The following KIAA1549L variants were observed in gnomAD, a reference collection of about 807,000 sequenced individuals.
KIAA1549L encodes the protein UPF0606 protein KIAA1549L.
A neutral mutation model predicts 160.7 loss-of-function variants in KIAA1549L; 88 were observed. That is an observed-to-expected ratio of 0.55 (90% CI 0.46 to 0.65). The LOEUF is 0.65. Ranked by LOEUF, KIAA1549L falls within the 30% of genes least tolerant of loss-of-function variation. The pLI, the probability that KIAA1549L is intolerant of heterozygous loss-of-function variation, is 0.00. For missense variants in KIAA1549L, 2,258 were observed against 2,437.5 expected, an observed-to-expected ratio of 0.93 and a Z score of 1.55; for synonymous variants, 950 against 976.7, an observed-to-expected ratio of 0.97 and a Z score of 0.51.
intron 1 of KIAA1549L, among the ~76,000 whole-genome samples, chr11:33,402,177 G>A (rs993887393): frequency 2.0e-5 from 3 of 152,166 alleles, no homozygotes; most frequent in Admixed American, 2.0e-4. Flanking sequence ...CTCACACTCA[G>A]CTGTCTCCCA....
chr11:33,425,723 T>G (rs1295457797), intron 1 of KIAA1549L, among the ~76,000 whole-genome samples: 1 of 152,200 alleles, frequency 6.6e-6, no homozygotes, highest in Non-Finnish European at 1.5e-5. Context: ...GCATCACACG[T>G]CATATGGATG....
At chr11:33,457,725 G>A (rs536930819) in intron 1 of KIAA1549L, among the ~76,000 whole-genome samples, 10 of 152,344 alleles carry the variant, frequency 6.6e-5, no homozygotes, top group Non-Finnish European at 1.2e-4. Context: ...AATGGTCAGG[G>A]AAGACTTCCT....
chr11:33,397,939 T>G (rs913442912), intron 1 of KIAA1549L, among the ~76,000 whole-genome samples: 1 of 148,862 alleles, frequency 6.7e-6, no homozygotes, highest in African/African-American at 2.5e-5. Context: ...TTTTTTTCTT[T>G]TTTTGAGATA....
chr11:33,568,020 C>T, intron 8 of KIAA1549L, 56 bp from the exon 9 acceptor site: 1 of 1,508,514 alleles, frequency 6.6e-7, no homozygotes, highest in Non-Finnish European at 8.9e-7. Flanking sequence ...CTTGTGCTTA[C>T]TGAATCAGCA....
intron 11 of KIAA1549L, among the ~76,000 whole-genome samples, chr11:33,590,224 A>G (rs976618452): frequency 1.3e-5 from 2 of 152,226 alleles, no homozygotes; most frequent in Non-Finnish European, 2.9e-5. Flanking sequence ...TAACATAATA[A>G]CAATGGCCAT....
chr11:33,583,424 A>G lies in KIAA1549L; in HGVS notation c.4489A>G (p.Ile1497Val). The G allele has an allele frequency of 6.3e-7, 1 of 1,596,756 alleles. No homozygotes were observed. Among genetic ancestry groups the G allele is most frequent in the Non-Finnish European group, 8.5e-7 (1 of 1,171,770 alleles). Residue 1497 changes from isoleucine (I) to valine (V), a missense_variant, in exon 11 of 21, where the codon ATC (isoleucine) becomes GTC (valine). Transcript: ENST00000658780. ...CGTGGTCACGGTCATCATCATCATC[A>G]TCACTGCCGTGCTCTGCAGGAAGAA... ...IAVVTVIIII[I>V]TAVLCRKNKN...
rs1850281666 is a variant in KIAA1549L, at chr11:33,598,924, A to G, written c.4856A>G (p.Lys1619Arg). Residue 1619 changes from lysine to arginine, a missense_variant, in exon 13 of 21, where the codon AAG (lysine) becomes AGG (arginine). Lys to Arg is a conservative substitution (Grantham distance 26). This residue lies in a region of KIAA1549L where 1,359 missense variants were observed against 1,546.6 expected (regional missense o/e 0.88). Transcript: ENST00000658780. ...GTAATGGCACAGCAGAAAGTGACAA[A>G]GGAGGAGGCAAGGAAGAGAAATGGT... Reference protein sequence around the residue: ...QNVMAQQKVTKEEARKRNVPA... With the variant: ...QNVMAQQKVTREEARKRNVPA... 1 of 1,613,548 alleles carries G rather than the reference A, an allele frequency of 6.2e-7. No homozygotes were observed.
At chr11:33,436,035 TA>T (rs1416793299) in intron 1 of KIAA1549L, among the ~76,000 whole-genome samples, 1 of 149,254 alleles carries the variant, frequency 6.7e-6, no homozygotes, top group Non-Finnish European at 1.5e-5. Context: ...ATTTACATAG[TA>T]TTATATTGTA....
chr11:33,559,638 T>G, intron 6 of KIAA1549L, 111 bp from the exon 7 acceptor site: 1 of 807,716 alleles, frequency 1.2e-6, no homozygotes, highest in Non-Finnish European at 2.0e-6. Flanking sequence ...CTGACCCCCT[T>G]TCATTCCTTC....
At chr11:33,435,983 CA>C (rs1268616137) in intron 1 of KIAA1549L, among the ~76,000 whole-genome samples, 2 of 122,700 alleles carry the variant, frequency 1.6e-5, no homozygotes, top group Non-Finnish European at 3.5e-5. Flanking sequence ...AAAAGTACAA[CA>C]AAAAATGATA....
intron 17 of KIAA1549L, among the ~76,000 whole-genome samples, chr11:33,648,119 C>T (rs1255622448): frequency 6.6e-6 from 1 of 152,012 alleles, no homozygotes; most frequent in Non-Finnish European, 1.5e-5. Flanking sequence ...CTCAGCCTCC[C>T]GAGTAGCTGG....
At chr11:33,557,219 G>A (rs1424135199) in intron 6 of KIAA1549L, among the ~76,000 whole-genome samples, 1 of 152,172 alleles carries the variant, frequency 6.6e-6, no homozygotes, top group Non-Finnish European at 1.5e-5. Context: ...GAACTCCTGG[G>A]CTCAAGTGAT....
Position 33,672,968 on chromosome 11 carries a change from A to AAACTT in KIAA1549L, c.*4816_*4820dup, listed in dbSNP as rs1852708476. 1 of 153,542 alleles carries AAACTT rather than the reference A, an allele frequency of 6.5e-6. No homozygotes were observed. Among genetic ancestry groups the AAACTT allele is most frequent in the Non-Finnish European group, 1.5e-5 (1 of 68,050 alleles). 9.5% of individuals were successfully genotyped at this position (153,542 alleles called of 1,614,324 possible). On this transcript the variant is annotated 3_prime_UTR_variant, in exon 21 of 21. Transcript: ENST00000658780. ...TTTGAAACAAAATTGGTTTCAAGTG[A>AAACTT]AACTTACATTATTTTTTGGCTGTGA...
Position 33,547,845 on chromosome 11 carries a change from G to A in KIAA1549L, c.3467G>A (p.Arg1156Gln), listed in dbSNP as rs369338744. The part of the protein sequence containing the change: ...SIAKGLTQAL[R>Q]KAFHQNDVSA... ...GCCAAAGGGCTCACACAGGCATTGC[G>A]GAAGGCTTTCCACCAGAACGATGTC... The change falls in exon 4 of 21, where the codon CGG (arginine) becomes CAG (glutamine). Residue 1156 changes from arginine to glutamine, a missense_variant. Arg to Gln is a conservative substitution (Grantham distance 43). Coordinates refer to ENST00000658780, the MANE Select transcript of KIAA1549L (RefSeq NM_012194.3). The A allele has an allele frequency of 7.4e-6, 12 of 1,613,222 alleles. No homozygotes were observed. The highest frequency in any genetic ancestry group is 6.7e-5 in the East Asian group (3 of 44,854).
intron 1 of KIAA1549L, among the ~76,000 whole-genome samples, chr11:33,456,057 A>G (rs1851814489): frequency 6.6e-6 from 1 of 152,176 alleles, no homozygotes; most frequent in African/African-American, 2.4e-5. Flanking sequence ...AGGGAAGATA[A>G]TGGCATTCAA....
Position 33,671,279 on chromosome 11 carries a change from G to C in KIAA1549L, c.*3125G>C, listed in dbSNP as rs1399130828. 1 of 152,220 alleles carries C rather than the reference G, an allele frequency of 6.6e-6. No homozygotes were observed. Among genetic ancestry groups the C allele is most frequent in the Non-Finnish European group, 1.5e-5 (1 of 68,060 alleles). The allele number at this position is 152,220 out of a possible 1,614,324, so 9.4% of individuals were successfully genotyped here. A position where few individuals can be genotyped will look rare whatever the true frequency, so the allele number is the denominator to read the frequency against. On this transcript the variant is annotated 3_prime_UTR_variant, in exon 21 of 21. Coordinates refer to ENST00000658780, the MANE Select transcript of KIAA1549L (RefSeq NM_012194.3). The stretch of plus-strand genomic sequence containing the variant: ...CACCAAGGATCCCAACAGGCAGGCA[G>C]GGAGGCCCTTGACTTTGTGTCACTG...
At chr11:33,666,877 A>G (rs148689872) in intron 20 of KIAA1549L, among the ~76,000 whole-genome samples, 1 of 152,208 alleles carries the variant, frequency 6.6e-6, no homozygotes, top group Admixed American at 6.5e-5. Context: ...TCTGCAAGGT[A>G]AGGCTAATAC....
intron 19 of KIAA1549L, 105 bp from the exon 20 acceptor site, chr11:33,660,758 C>A (rs985626168): frequency 9.1e-7 from 1 of 1,097,616 alleles, no homozygotes; most frequent in Non-Finnish European, 1.3e-6. Flanking sequence ...TCAAATCCAG[C>A]AGCCAGCCAG....
chr11:33,510,845 G>T (rs986733086), intron 1 of KIAA1549L, among the ~76,000 whole-genome samples: 2 of 152,224 alleles, frequency 1.3e-5, no homozygotes, highest in Non-Finnish European at 2.9e-5. Flanking sequence ...GACCTGGGTG[G>T]TGACAGCCAG....
Sources: allele counts gnomAD v4.1 joint callset (sites outside exome capture counted in the v4.1 genomes callset), GRCh38; gene constraint gnomAD v4.1.1; regional missense constraint gnomAD v4.1.1; transcripts MANE v1.5; gene names NCBI Gene and HGNC (gene_info 2026-07-23, HGNC 2026-07-21).